The following FNTB variants were observed in gnomAD, a reference collection of about 807,000 sequenced individuals.
The protein encoded by FNTB is protein farnesyltransferase subunit beta.
A neutral mutation model predicts 59.4 loss-of-function variants in FNTB; 27 were observed. The observed-to-expected ratio is 0.45, with a 90% confidence interval of 0.34 to 0.63. The LOEUF is 0.63. FNTB is among the 20% of genes least tolerant of loss of function. The pLI is 0.02. For synonymous variants in FNTB, 230 were observed against 220.7 expected (o/e 1.04, Z -0.37); for missense variants, 449 against 559.6 (o/e 0.80, Z 1.99).
chr14:65,060,753 A>G (rs1402312286), intron 11 of FNTB, among the ~76,000 whole-genome samples: 1 of 148,442 alleles, frequency 6.7e-6, no homozygotes, highest in African/African-American at 2.5e-5. Context: ...CACACCTGTA[A>G]TCCCAGCTAC....
Position 65,044,216 on chromosome 14 carries a change from ACC to A in FNTB, c.823-93_823-92del, listed in dbSNP as rs1275953250. On this transcript the variant is annotated intron_variant, in intron 8 of 11. Transcript: ENST00000246166. The surrounding 1 kb of genome is among the most constrained non-coding windows in gnomAD (Gnocchi z 5.5). ...GTGCCAAGAAGCCACAAGATGGGAAACCCTCCATCCCACAGATTGACTCCTGG... is the reference window on the plus strand; with the variant it reads ...GTGCCAAGAAGCCACAAGATGGGAAACTCCATCCCACAGATTGACTCCTGG... The A allele has an allele frequency of 3.8e-6, 6 of 1,586,036 alleles. No homozygotes were observed. The Admixed American group carries it at 1.2e-4, about 31-fold the overall frequency.
intron 1 of FNTB, chr14:64,987,313 G>T (rs550696936): frequency 2.0e-5 from 12 of 601,378 alleles, no homozygotes; most frequent in Non-Finnish European, 2.6e-5. Context: ...TCAAGGTTGG[G>T]CTTGGAGGAG....
At chr14:65,034,546 G>C (rs1434331041) in intron 7 of FNTB, among the ~76,000 whole-genome samples, 1 of 152,200 alleles carries the variant, frequency 6.6e-6, no homozygotes, top group Non-Finnish European at 1.5e-5. Flanking sequence ...TTGTTAATAA[G>C]GCTGATAATA....
chr14:65,008,695 G>A (rs2061634898), intron 2 of FNTB, among the ~76,000 whole-genome samples: 1 of 152,240 alleles, frequency 6.6e-6, no homozygotes, highest in Admixed American at 6.5e-5. Flanking sequence ...GAGACTGAAA[G>A]GAGCGGAGCT....
At chr14:64,993,068 A>G (rs761960281) in intron 1 of FNTB, among the ~76,000 whole-genome samples, 3 of 152,058 alleles carry the variant, frequency 2.0e-5, no homozygotes, top group Non-Finnish European at 4.4e-5. Context: ...AACTCGAGCT[A>G]TCCGCCCACC....
chr14:65,026,793 C>T (rs972171148), intron 4 of FNTB, among the ~76,000 whole-genome samples: 2 of 151,540 alleles, frequency 1.3e-5, no homozygotes, highest in Admixed American at 6.6e-5. Context: ...ACCTGGGAGA[C>T]GGATGCTGCA....
chr14:65,048,573 C>T (rs948442824), intron 9 of FNTB, among the ~76,000 whole-genome samples: 4 of 152,146 alleles, frequency 2.6e-5, no homozygotes, highest in African/African-American at 9.7e-5. Flanking sequence ...CCTTAAAATG[C>T]TGGACATGGT....
chr14:65,056,845 A>C (rs571460969), intron 11 of FNTB, among the ~76,000 whole-genome samples: 1 of 152,326 alleles, frequency 6.6e-6, no homozygotes, highest in African/African-American at 2.4e-5. Flanking sequence ...TAGGTAATGT[A>C]TAAAGACAAG....
At chr14:65,042,022 G>T (rs758774090) in intron 8 of FNTB, among the ~76,000 whole-genome samples, 4 of 152,010 alleles carry the variant, frequency 2.6e-5, no homozygotes, top group Non-Finnish European at 2.9e-5. Context: ...TATAAGGTAG[G>T]GATAACAATC....
Position 64,994,334 on chromosome 14 carries a change from A to G in FNTB, c.144+7237A>G, listed in dbSNP as rs907524250. Among the ~76,000 whole-genome samples the G allele has an allele frequency of 3.3e-5, 5 of 152,180 alleles. No individual in the cohort carries two copies. The highest frequency in any genetic ancestry group is 9.7e-5 in the African/African-American group (4 of 41,432). On this transcript the variant is annotated intron_variant, in intron 1 of 11. Coordinates refer to ENST00000246166, the MANE Select transcript of FNTB (RefSeq NM_002028.4). The surrounding 1 kb of genome is among the most constrained non-coding windows in gnomAD (Gnocchi z 4.2). ...CCCTAGAGTCTAACACAATCTCTCCATTACTGAACAATACAAACTAATATA... is the reference window on the plus strand; with the variant it reads ...CCCTAGAGTCTAACACAATCTCTCCGTTACTGAACAATACAAACTAATATA...
chr14:65,054,065 A>G lies in FNTB; in HGVS notation c.1068-510A>G, dbSNP rs974058031. On this transcript the variant is annotated intron_variant, in intron 10 of 11. Coordinates refer to ENST00000246166, the MANE Select transcript of FNTB (RefSeq NM_002028.4). This position sits in a 1 kb window ranked among gnomAD's most constrained non-coding sequence, Gnocchi z 4.4. The stretch of plus-strand genomic sequence containing the variant: ...TAAAAAAAGAAAGAAAAGAAAAAAA[A>G]TACAGTTCCCACTGCTGGGCAGGGC... Among the ~76,000 whole-genome samples the G allele has an allele frequency of 2.0e-5, 3 of 152,178 alleles. No individual in the cohort carries two copies. The highest frequency in any genetic ancestry group is 4.4e-5 in the Non-Finnish European group (3 of 68,042).
At position 65,061,576 on chromosome 14, in the gene FNTB, G is replaced by A. The variant is rs911328354; in HGVS notation, c.*264G>A. On this transcript the variant is annotated 3_prime_UTR_variant, in exon 12 of 12. Transcript: ENST00000246166. ...GTTGGTGAACAGTGCATGCCAGGAG[G>A]AAGCAGTCCCTCCTCACCAGCTCTC... is the stretch of plus-strand genomic sequence containing the variant. 10 of 386,370 alleles carry A rather than the reference G, an allele frequency of 2.6e-5. No individual in the cohort carries two copies. Among genetic ancestry groups the A allele is most frequent in the Admixed American group, 1.1e-4 (3 of 27,208 alleles). 23.9% of individuals were successfully genotyped at this position (386,370 alleles called of 1,614,324 possible).
In FNTB at chr14:65,054,212, G is replaced by C. The variant is rs529711994; in HGVS notation, c.1068-363G>C. 6.6e-6 allele frequency among the ~76,000 whole-genome samples: 1 copy of C among 151,970 alleles called. No homozygotes were observed. The highest frequency in any genetic ancestry group is 6.6e-5 in the Admixed American group (1 of 15,252). On this transcript the variant is annotated intron_variant, in intron 10 of 11. Transcript: ENST00000246166. This position sits in a 1 kb window ranked among gnomAD's most constrained non-coding sequence, Gnocchi z 4.4. The stretch of plus-strand genomic sequence containing the variant: ...ACTGCAGCCTTCACCTCTTGGGCTC[G>C]AGTGATCCTCCTGCTTCAGCCTCCC...
At chr14:65,019,881 G>T (rs1422239825) in intron 4 of FNTB, among the ~76,000 whole-genome samples, 2 of 152,180 alleles carry the variant, frequency 1.3e-5, no homozygotes, top group African/African-American at 4.8e-5. Flanking sequence ...ATAAATAGAA[G>T]ATTTTTTTTA....
intron 2 of FNTB, among the ~76,000 whole-genome samples, chr14:65,008,219 C>T (rs1024744269): frequency 1.3e-5 from 2 of 152,216 alleles, no homozygotes; most frequent in African/African-American, 2.4e-5. Context: ...CCCCAGGAAC[C>T]AGCAATGGAC....
chr14:65,043,688 G>A (rs1407988836), intron 8 of FNTB, among the ~76,000 whole-genome samples: 1 of 151,324 alleles, frequency 6.6e-6, no homozygotes, highest in Non-Finnish European at 1.5e-5. Context: ...CGGGCGCGGT[G>A]GCGGGCGCCT....
At chr14:65,024,781 GA>G (rs201797760) in intron 4 of FNTB, among the ~76,000 whole-genome samples, 37 of 151,358 alleles carry the variant, frequency 2.4e-4, no homozygotes, top group South Asian at 6.3e-4. Context: ...ACATTTGTGG[GA>G]AAAAAAAATA....
At chr14:65,049,141 A>T (rs1454633065) in intron 9 of FNTB, among the ~76,000 whole-genome samples, 1 of 143,384 alleles carries the variant, frequency 7.0e-6, no homozygotes, top group African/African-American at 2.6e-5. Flanking sequence ...AAAAAAAAAA[A>T]GGCTTAAGAA....
rs2062055075 is a variant in FNTB, at chr14:65,030,302, A to G, written c.606-2308A>G. Among the ~76,000 whole-genome samples, 1 of 152,160 alleles carries G rather than the reference A, an allele frequency of 6.6e-6. No homozygotes were observed. Among genetic ancestry groups the G allele is most frequent in the African/African-American group, 2.4e-5 (1 of 41,436 alleles). ...GCACTTGTGACTCTTGTGTGCTCCC[A>G]ATGCCTGCTGGTGGAACTAAACTTC... is the stretch of plus-strand genomic sequence containing the variant. On this transcript the variant is annotated intron_variant, in intron 6 of 11. Coordinates refer to ENST00000246166, the MANE Select transcript of FNTB (RefSeq NM_002028.4). The surrounding 1 kb of genome is among the most constrained non-coding windows in gnomAD (Gnocchi z 4.5).
Sources: allele counts gnomAD v4.1 joint callset (sites outside exome capture counted in the v4.1 genomes callset), GRCh38; gene constraint gnomAD v4.1.1; non-coding constraint Gnocchi (gnomAD v3.1); transcripts MANE v1.5; gene names NCBI Gene and HGNC (gene_info 2026-07-23, HGNC 2026-07-21).